NF1: variants seen among roughly 807,000 people sequenced by gnomAD.
NF1 encodes the protein neurofibromin.
In NF1, 122 loss-of-function variants were observed where a neutral mutation model predicts 325.7. The ratio of observed to expected loss-of-function variants is 0.37; its 90% CI spans 0.32 to 0.44. The LOEUF (loss-of-function observed/expected upper bound fraction) is 0.44. Among genes scored for constraint, NF1 ranks in the 20% least tolerant of loss-of-function variants. The probability of loss-of-function intolerance (pLI) is 1.00; values close to 1 mark genes in which losing one functional copy is unlikely to be tolerated. For synonymous variants in NF1, 1,091 were observed against 1,186.0 expected (o/e 0.92, Z 1.65); for missense variants, 2,140 against 3,415.4 (o/e 0.63, Z 9.31).
At chr17:31,231,187 A>C (rs919528340) in intron 24 of NF1, among the ~76,000 whole-genome samples, 2 of 152,158 alleles carry the variant, frequency 1.3e-5, no homozygotes, top group Non-Finnish European at 2.9e-5. Context: ...GTTATTGGGA[A>C]ATAAGATACA....
intron 36 of NF1, chr17:31,318,550 G>A (rs1245893948): frequency 6.2e-7 from 1 of 1,614,072 alleles, no homozygotes; most frequent in Non-Finnish European, 8.5e-7. Context: ...AACCACAGTT[G>A]ATAGAAATAG....
intron 29 of NF1, 107 bp from the exon 30 acceptor site, chr17:31,248,877 A>G: frequency 9.8e-7 from 1 of 1,024,146 alleles, no homozygotes; most frequent in South Asian, 1.4e-5. Context: ...AATGAAGTCT[A>G]CACGTTGCAC....
At chr17:31,100,727 G>A (rs1439385719) in intron 1 of NF1, among the ~76,000 whole-genome samples, 4 of 152,024 alleles carry the variant, frequency 2.6e-5, no homozygotes, top group Admixed American at 2.6e-4. Context: ...ATGCCACCAC[G>A]CCCAGCTAAT....
chr17:31,139,661 G>A (rs1229324449), intron 1 of NF1, among the ~76,000 whole-genome samples: 3 of 152,140 alleles, frequency 2.0e-5, no homozygotes, highest in Non-Finnish European at 4.4e-5. Flanking sequence ...TTGAACATTA[G>A]TTTGTTCCAG....
At chr17:31,311,049 C>T (rs1157015258) in intron 36 of NF1, among the ~76,000 whole-genome samples, 6 of 150,846 alleles carry the variant, frequency 4.0e-5, no homozygotes, top group African/African-American at 2.4e-5. Context: ...TGGGCTCAAG[C>T]GATCCTCCTC....
intron 29 of NF1, among the ~76,000 whole-genome samples, chr17:31,238,313 A>G (rs927808052): frequency 6.6e-6 from 1 of 152,174 alleles, no homozygotes; most frequent in African/African-American, 2.4e-5. Flanking sequence ...AAATATGACC[A>G]CAGTGTTCTG....
intron 34 of NF1, among the ~76,000 whole-genome samples, chr17:31,261,006 G>T (rs1294893857): frequency 6.6e-6 from 1 of 152,104 alleles, no homozygotes; most frequent in Non-Finnish European, 1.5e-5. Context: ...ACTTTGGGTG[G>T]CTGAGGCAGG....
chr17:31,232,654 T>C (rs1413073954), intron 25 of NF1, 46 bp from the exon 26 acceptor site: 2 of 1,568,706 alleles, frequency 1.3e-6, no homozygotes, highest in Non-Finnish European at 1.8e-6. Flanking sequence ...AGCTTTCTAG[T>C]TGATACGGCC....
At chr17:31,358,748 A>AT (rs1390437798) in intron 55 of NF1, 126 bp downstream of exon 55, 5 of 1,332,298 alleles carry the variant, frequency 3.8e-6, no homozygotes, top group Non-Finnish European at 3.2e-6. Flanking sequence ...TCCATATTCC[A>AT]TTTTTTTACT....
chr17:31,318,164 G>C (rs1385484774), intron 36 of NF1: 1 of 1,032,404 alleles, frequency 9.7e-7, no homozygotes. Flanking sequence ...ACTTCTCCCT[G>C]TCTCACCTGC....
chr17:31,101,377 T>C (rs1266166940), intron 1 of NF1, among the ~76,000 whole-genome samples: 2 of 152,170 alleles, frequency 1.3e-5, no homozygotes, highest in African/African-American at 4.8e-5. Flanking sequence ...AGCTTTCCTA[T>C]AGATCCTTGA....
Position 31,206,248 on chromosome 17 carries a change from G to A in NF1, c.1269G>A (p.Leu423=). ...SLHRIITNSA[L]DWWPKIDAVY... ...TCTTTGTTTTTCTCTAGTCCGCATT[G>A]GATTGGTGGCCTAAGATTGATGCTG... is the stretch of plus-strand genomic sequence containing the variant. Residue 423 remains leucine, a synonymous_variant, in exon 12 of 58, where the codon TTG becomes TTA. Coordinates refer to ENST00000358273, the MANE Select transcript of NF1 (RefSeq NM_001042492.3). 1.2e-6 allele frequency: 2 copies of A among 1,613,640 alleles called. No individual in the cohort carries two copies. Among genetic ancestry groups the A allele is most frequent in the East Asian group, 4.5e-5 (2 of 44,874 alleles).
intron 29 of NF1, among the ~76,000 whole-genome samples, chr17:31,248,651 C>T (rs2067441406): frequency 6.6e-6 from 1 of 152,110 alleles, no homozygotes; most frequent in African/African-American, 2.4e-5. Context: ...TCTCCTGCCT[C>T]AGCCTCCTGA....
chr17:31,311,578 T>A (rs1168779871), intron 36 of NF1, among the ~76,000 whole-genome samples: 1 of 152,148 alleles, frequency 6.6e-6, no homozygotes, highest in African/African-American at 2.4e-5. Flanking sequence ...TCAACTACAA[T>A]AGGAAGTATT....
intron 36 of NF1, among the ~76,000 whole-genome samples, chr17:31,311,696 A>C (rs762912562): frequency 6.6e-6 from 1 of 152,212 alleles, no homozygotes; most frequent in Non-Finnish European, 1.5e-5. Context: ...TCCTACAGAT[A>C]AGGAAACTGA....
At chr17:31,262,407 C>T (rs1299056532) in intron 35 of NF1, among the ~76,000 whole-genome samples, 6 of 152,152 alleles carry the variant, frequency 3.9e-5, no homozygotes, top group Admixed American at 3.3e-4. Flanking sequence ...ATGAAAAGAT[C>T]CTCATTGTTA....
chr17:31,351,160 A>G (rs779679836), intron 50 of NF1, among the ~76,000 whole-genome samples: 19 of 152,310 alleles, frequency 1.2e-4, no homozygotes, highest in Non-Finnish European at 1.6e-4. Context: ...GTCAAAGTAT[A>G]AATTAATATC....
chr17:31,183,797 C>T (rs377273939), intron 8 of NF1, among the ~76,000 whole-genome samples: 14 of 152,220 alleles, frequency 9.2e-5, no homozygotes, highest in South Asian at 2.1e-4. Flanking sequence ...AAAAGAGAGA[C>T]GGGCCTAGCC....
At chr17:31,308,049 C>G in intron 36 of NF1, 1 of 455,196 alleles carries the variant, frequency 2.2e-6, no homozygotes, top group Non-Finnish European at 3.9e-6. Context: ...TTGAACTCTC[C>G]TGCACACTGC....
Sources: gnomAD v4.1 joint callset for allele counts (sites outside exome capture counted in the v4.1 genomes callset) on GRCh38, gnomAD v4.1.1 for gene constraint, MANE v1.5 for transcripts, NCBI Gene and HGNC (gene_info 2026-07-23, HGNC 2026-07-21) for gene names.